The following PPP3CA variants were observed in gnomAD, a reference collection of about 807,000 sequenced individuals.
PPP3CA encodes the protein CAM-PRP catalytic subunit.
PPP3CA carries 14 observed loss-of-function variants against 66.5 expected under a neutral mutation model. The ratio of observed to expected loss-of-function variants is 0.21; its 90% confidence interval spans 0.14 to 0.33. The LOEUF (loss-of-function observed/expected upper bound fraction) is 0.33, where lower values mean the gene tolerates loss of function less well. Ranked by LOEUF, PPP3CA falls within the 10% of genes least tolerant of loss-of-function variation. The pLI is 1.00. For missense variants in PPP3CA, 317 were observed against 639.5 expected (o/e 0.50, Z 5.44); for synonymous variants, 232 against 226.2 (o/e 1.03, Z -0.23).
intron 2 of PPP3CA, among the ~76,000 whole-genome samples, chr4:101,109,546 C>T (rs1378175685): frequency 6.6e-6 from 1 of 151,140 alleles, no homozygotes. Flanking sequence ...CTACACATTA[C>T]TGCCTCCTGA....
At chr4:101,177,415 C>G (rs545133109) in intron 2 of PPP3CA, among the ~76,000 whole-genome samples, 1 of 152,092 alleles carries the variant, frequency 6.6e-6, no homozygotes, top group African/African-American at 2.4e-5. Flanking sequence ...CACAATCTCT[C>G]GGGATTCCTG....
chr4:101,099,492 G>A (rs375438223), intron 4 of PPP3CA, 119 bp downstream of exon 4: 1 of 475,464 alleles, frequency 2.1e-6, no homozygotes, highest in East Asian at 3.8e-5. Context: ...TAATATGAAA[G>A]AGTGTCACTT....
intron 2 of PPP3CA, among the ~76,000 whole-genome samples, chr4:101,180,716 G>A (rs1001672481): frequency 4.6e-5 from 7 of 151,986 alleles, no homozygotes; most frequent in Admixed American, 3.3e-4. Flanking sequence ...TTAGGTTTAC[G>A]GGTCATGATG....
intron 10 of PPP3CA, among the ~76,000 whole-genome samples, chr4:101,052,353 C>T (rs956302793): frequency 2.0e-5 from 3 of 151,836 alleles, no homozygotes; most frequent in Non-Finnish European, 1.5e-5. Context: ...TAATAAATGC[C>T]CATGTGTTTT....
chr4:101,167,029 G>C (rs1723715223), intron 2 of PPP3CA, among the ~76,000 whole-genome samples: 1 of 152,162 alleles, frequency 6.6e-6, no homozygotes, highest in African/African-American at 2.4e-5. Flanking sequence ...TCAGAAGAAA[G>C]ACAGGTGAGA....
chr4:101,037,285 T>C (rs983764368), intron 11 of PPP3CA, among the ~76,000 whole-genome samples: 15 of 152,212 alleles, frequency 9.9e-5, no homozygotes, highest in African/African-American at 3.6e-4. Flanking sequence ...GATGCTCAAT[T>C]TGAAACAAAG....
intron 1 of PPP3CA, among the ~76,000 whole-genome samples, chr4:101,264,760 C>T (rs1376931156): frequency 1.3e-5 from 2 of 152,098 alleles, no homozygotes; most frequent in African/African-American, 4.8e-5. Context: ...GAAAAGACAA[C>T]AAACTCAAAT....
At chr4:101,094,592 A>G (rs1730111964) in intron 5 of PPP3CA, among the ~76,000 whole-genome samples, 1 of 152,180 alleles carries the variant, frequency 6.6e-6, no homozygotes, top group African/African-American at 2.4e-5. Context: ...GATAAGCAGT[A>G]AAATAAACTC....
At chr4:101,088,955 C>CA (rs1387990631) in intron 6 of PPP3CA, among the ~76,000 whole-genome samples, 1 of 151,952 alleles carries the variant, frequency 6.6e-6, no homozygotes, top group Non-Finnish European at 1.5e-5. Flanking sequence ...GAACAGTAAA[C>CA]AAAAAACAAA....
intron 2 of PPP3CA, among the ~76,000 whole-genome samples, chr4:101,153,806 C>T (rs1169349707): frequency 2.6e-5 from 4 of 152,182 alleles, no homozygotes; most frequent in Non-Finnish European, 4.4e-5. Flanking sequence ...AATCTCAGAA[C>T]CACATTAAGA....
intron 2 of PPP3CA, among the ~76,000 whole-genome samples, chr4:101,162,728 C>T (rs532208093): frequency 1.3e-5 from 2 of 152,168 alleles, no homozygotes; most frequent in South Asian, 2.1e-4. Flanking sequence ...TAATTACATA[C>T]AGTTTAAAGT....
chr4:101,297,640 C>T (rs1022114251), intron 1 of PPP3CA, among the ~76,000 whole-genome samples: 1 of 152,144 alleles, frequency 6.6e-6, no homozygotes, highest in Admixed American at 6.5e-5. Flanking sequence ...TAGCCAGCTG[C>T]TGGCATTGGA....
At position 101,024,945 on chromosome 4, in the gene PPP3CA, A is replaced by ATTTTT. The variant is rs539384846; in HGVS notation, c.*915_*919dup. 3 of 145,448 alleles carry ATTTTT rather than the reference A, an allele frequency of 2.1e-5. No homozygotes were observed. The highest frequency in any genetic ancestry group is 7.6e-5 in the African/African-American group (3 of 39,668). The allele number at this position is 145,448 out of a possible 1,614,324, so 9.0% of individuals were successfully genotyped here. A position where few individuals can be genotyped will look rare whatever the true frequency, so the allele number is the denominator to read the frequency against. On this transcript the variant is annotated 3_prime_UTR_variant, in exon 14 of 14. Coordinates refer to ENST00000394854, the MANE Select transcript of PPP3CA (RefSeq NM_000944.5). ...TTTCTTAAAAAACATGCATAGGCAG[A>ATTTTT]TTTTTTTTTTTTTTACAGAATATAG... is the stretch of plus-strand genomic sequence containing the variant.
chr4:101,027,679 G>T (rs1726722575), intron 13 of PPP3CA, among the ~76,000 whole-genome samples: 1 of 152,002 alleles, frequency 6.6e-6, no homozygotes, highest in South Asian at 2.1e-4. Context: ...TAATTAACAG[G>T]TATAAAAGTT....
chr4:101,042,944 A>C (rs1727595790), intron 10 of PPP3CA, among the ~76,000 whole-genome samples: 2 of 152,090 alleles, frequency 1.3e-5, no homozygotes, highest in South Asian at 4.2e-4. Context: ...CTATGTTTAA[A>C]ATTCCCTACC....
chr4:101,235,431 T>TCACACACACACA (rs57851713), intron 1 of PPP3CA, among the ~76,000 whole-genome samples: 1 of 148,170 alleles, frequency 6.7e-6, no homozygotes, highest in Non-Finnish European at 1.5e-5. Context: ...AAACATACAC[T>TCACACACACACA]CACACACACA....
At chr4:101,186,618 G>A (rs959813179) in intron 2 of PPP3CA, among the ~76,000 whole-genome samples, 8 of 151,598 alleles carry the variant, frequency 5.3e-5, no homozygotes, top group Non-Finnish European at 1.2e-4. Context: ...TACTGATAGC[G>A]CAAAATATGT....
intron 11 of PPP3CA, among the ~76,000 whole-genome samples, chr4:101,037,539 T>C (rs1022360937): frequency 6.6e-6 from 1 of 152,170 alleles, no homozygotes; most frequent in African/African-American, 2.4e-5. Flanking sequence ...CCCCATAGCC[T>C]GGTCCAGCCT....
intron 3 of PPP3CA, among the ~76,000 whole-genome samples, chr4:101,106,399 A>G (rs1169179511): frequency 1.2e-4 from 1 of 8,268 alleles, no homozygotes; most frequent in East Asian, 3.0e-3. Context: ...GAAAGAAAGA[A>G]AGAAAGAAAG....
Sources: allele counts gnomAD v4.1 joint callset (sites outside exome capture counted in the v4.1 genomes callset), GRCh38; gene constraint gnomAD v4.1.1; transcripts MANE v1.5; gene names NCBI Gene and HGNC (gene_info 2026-07-23, HGNC 2026-07-21).